The following C9 variants were observed in gnomAD, a reference collection of about 807,000 sequenced individuals.
C9 encodes the protein complement C9, also known as complement component C9.
C9 carries 63 observed loss-of-function variants against 65.4 expected under a neutral mutation model. That is an observed-to-expected ratio of 0.96 (90% CI 0.79 to 1.19). The LOEUF (loss-of-function observed/expected upper bound fraction) is 1.19. C9 is among the 50% of genes most tolerant of loss of function. The probability of loss-of-function intolerance (pLI) is 0.00; values close to 1 mark genes in which losing one functional copy is unlikely to be tolerated. For synonymous variants in C9, 229 were observed against 227.9 expected, an observed-to-expected ratio of 1.00 and a Z score of -0.04; for missense variants, 744 against 670.1, an observed-to-expected ratio of 1.11 and a Z score of -1.22.
At position 39,357,128 on chromosome 5, in the gene C9, T is replaced by A. The variant is rs72738467; in HGVS notation, c.77+7260A>T. Among the ~76,000 whole-genome samples the A allele has an allele frequency of 1.0e-2, 1,520 of 152,234 alleles. 9 individuals carry two copies. Among genetic ancestry groups the A allele is most frequent in the Non-Finnish European group, 0.014 (959 of 68,024 alleles). ...CTGCCATGAAGAAAAGTTTCCAGTTTTAGAAAAAGAAAGCCTCAGTAGCAC... is the reference window on the plus strand; with the variant it reads ...CTGCCATGAAGAAAAGTTTCCAGTTATAGAAAAAGAAAGCCTCAGTAGCAC... On this transcript the variant is annotated intron_variant, in intron 1 of 10. Transcript: ENST00000263408.
chr5:39,363,971 AG>A (rs1754568427), intron 1 of C9, among the ~76,000 whole-genome samples: 1 of 152,220 alleles, frequency 6.6e-6, no homozygotes, highest in Non-Finnish European at 1.5e-5. Flanking sequence ...CCTAATGTGG[AG>A]GCAAAAGGGT....
At chr5:39,290,996 C>T (rs1579837412) in intron 9 of C9, among the ~76,000 whole-genome samples, 1 of 151,838 alleles carries the variant, frequency 6.6e-6, no homozygotes, top group Middle Eastern at 3.4e-3. Context: ...CAAAATTACC[C>T]CAGGCATCAG....
At chr5:39,343,721 GCCT>G (rs1275006375) in intron 1 of C9, among the ~76,000 whole-genome samples, 1 of 152,206 alleles carries the variant, frequency 6.6e-6, no homozygotes, top group Non-Finnish European at 1.5e-5. Flanking sequence ...TGGACAGACT[GCCT>G]CCTCAAGTGG....
intron 5 of C9, among the ~76,000 whole-genome samples, chr5:39,324,621 G>T (rs1029913193): frequency 2.0e-5 from 3 of 152,158 alleles, no homozygotes; most frequent in Non-Finnish European, 4.4e-5. Flanking sequence ...CTGAAACTCT[G>T]AGGATGGAGT....
At position 39,332,661 on chromosome 5, in the gene C9, C is replaced by A. The variant is rs529067640; in HGVS notation, c.477-847G>T. Among the ~76,000 whole-genome samples the A allele has an allele frequency of 3.3e-5, 5 of 152,318 alleles. No individual in the cohort carries two copies. In the South Asian group the frequency reaches 1.0e-3, roughly 32 times the overall value. On this transcript the variant is annotated intron_variant, in intron 4 of 10. Transcript: ENST00000263408. ...CAGGGAGGCCAATAGGTTTGAGGATCAAATCTATAACTTACCTTGGTACAA... is the reference window on the plus strand; with the variant it reads ...CAGGGAGGCCAATAGGTTTGAGGATAAAATCTATAACTTACCTTGGTACAA...
intron 9 of C9, among the ~76,000 whole-genome samples, chr5:39,293,676 A>G (rs1277912012): frequency 6.6e-6 from 1 of 151,990 alleles, no homozygotes; most frequent in Non-Finnish European, 1.5e-5. Flanking sequence ...CCAAGAACAC[A>G]GGATTTAAGC....
rs1275691148 is a variant in C9, at chr5:39,288,598, TTATC to T, written c.1645+121_1645+124del. ...CCCATTTTCACTATTCACTCAATCT[TTATC>T]TTCTGTTTATATAAATAATCTAGAG... On this transcript the variant is annotated intron_variant, in intron 10 of 10. Transcript: ENST00000263408. 5 of 656,344 alleles carry T rather than the reference TTATC, an allele frequency of 7.6e-6. No individual in the cohort carries two copies. The African/African-American group carries it at 9.1e-5, about 12-fold the overall frequency. The allele number at this position is 656,344 out of a possible 1,614,324, so 40.7% of individuals were successfully genotyped here. A position where few individuals can be genotyped will look rare whatever the true frequency, so the allele number is the denominator to read the frequency against.
At chr5:39,348,253 A>G (rs937338476) in intron 1 of C9, among the ~76,000 whole-genome samples, 1 of 152,136 alleles carries the variant, frequency 6.6e-6, no homozygotes, top group Non-Finnish European at 1.5e-5. Context: ...ATGGGAGAAA[A>G]TTTTTGCAAT....
At chr5:39,303,767 T>A (rs1220545354) in intron 9 of C9, among the ~76,000 whole-genome samples, 1 of 152,034 alleles carries the variant, frequency 6.6e-6, no homozygotes, top group Non-Finnish European at 1.5e-5. Flanking sequence ...TTGTGTGGGC[T>A]TTCTCTGGTT....
At chr5:39,343,012 T>C (rs752465163) in intron 1 of C9, among the ~76,000 whole-genome samples, 1 of 152,170 alleles carries the variant, frequency 6.6e-6, no homozygotes, top group Non-Finnish European at 1.5e-5. Flanking sequence ...TTGCCTGACC[T>C]GACACTGATC....
In C9 at chr5:39,306,704, C is replaced by T. The variant is rs1382253641; in HGVS notation, c.1329G>A (p.Lys443=). 24 of 1,613,152 alleles carry T rather than the reference C, an allele frequency of 1.5e-5. No individual in the cohort carries two copies. Among genetic ancestry groups the T allele is most frequent in the Non-Finnish European group, 1.9e-5 (22 of 1,179,354 alleles). ...TRKYAFELKE[K]LLRGTVIDVT... Reference sequence around the variant, plus strand: ...CATCAATCACGGTTCCTCGGAGAAGCTTTTCTTTCAGTTCAAATGCATATT... The same window carrying T: ...CATCAATCACGGTTCCTCGGAGAAGTTTTTCTTTCAGTTCAAATGCATATT... Residue 443 remains lysine, a synonymous_variant, in exon 9 of 11, where the codon AAG becomes AAA. Coordinates refer to ENST00000263408, the MANE Select transcript of C9 (RefSeq NM_001737.5).
At position 39,331,675 on chromosome 5, in the gene C9, C is replaced by A. The variant is rs1753841895; in HGVS notation, c.615+1G>T. The A allele has an allele frequency of 6.2e-7, 1 of 1,613,730 alleles. No individual in the cohort carries two copies. The highest frequency in any genetic ancestry group is 8.5e-7 in the Non-Finnish European group (1 of 1,179,746). On this transcript the variant is annotated splice_donor_variant, in intron 5 of 10. Coordinates refer to ENST00000263408, the MANE Select transcript of C9 (RefSeq NM_001737.5). LOFTEE classifies it high-confidence loss of function. ...ATGTGTTTTCCTCCGAGGAGACTTA[C>A]TTCATAGATCAAAGAAGCCACGTTC...
chr5:39,320,537 C>G (rs1332859590), intron 5 of C9, among the ~76,000 whole-genome samples: 1 of 151,932 alleles, frequency 6.6e-6, no homozygotes, highest in Non-Finnish European at 1.5e-5. Context: ...CTATGGGGCA[C>G]CATCAAGTGA....
chr5:39,350,191 A>G (rs1754296791), intron 1 of C9, among the ~76,000 whole-genome samples: 2 of 152,164 alleles, frequency 1.3e-5, no homozygotes, highest in African/African-American at 2.4e-5. Context: ...GGGAAGTACT[A>G]CACAGTTTTT....
At chr5:39,349,848 C>T (rs911716162) in intron 1 of C9, among the ~76,000 whole-genome samples, 2 of 152,098 alleles carry the variant, frequency 1.3e-5, no homozygotes, top group African/African-American at 4.8e-5. Context: ...TTTATGCAGG[C>T]GCCTCTTCTT....
chr5:39,315,658 T>G, intron 6 of C9, 117 bp downstream of exon 6: 1 of 762,930 alleles, frequency 1.3e-6, no homozygotes, highest in Non-Finnish European at 2.1e-6. Context: ...AGCTACATAT[T>G]TGAGAATTTG....
intron 4 of C9, among the ~76,000 whole-genome samples, chr5:39,335,269 A>G (rs548635552): frequency 6.6e-6 from 1 of 152,310 alleles, no homozygotes; most frequent in East Asian, 1.9e-4. Flanking sequence ...TATGTGTTGT[A>G]CAGTGTTTGC....
At chr5:39,347,470 G>T (rs1224825055) in intron 1 of C9, among the ~76,000 whole-genome samples, 5 of 152,206 alleles carry the variant, frequency 3.3e-5, no homozygotes, top group South Asian at 2.1e-4. Context: ...TACAAAGGAT[G>T]TGGAGGACCT....
intron 4 of C9, 114 bp downstream of exon 4, chr5:39,341,032 C>T: frequency 1.8e-6 from 2 of 1,122,464 alleles, no homozygotes; most frequent in South Asian, 2.5e-5. Flanking sequence ...ACAGACCCAT[C>T]AGCTGTATCA....
Sources: allele counts gnomAD v4.1 joint callset (sites outside exome capture counted in the v4.1 genomes callset), GRCh38; gene constraint gnomAD v4.1.1; transcripts MANE v1.5; gene names NCBI Gene and HGNC (gene_info 2026-07-23, HGNC 2026-07-21).